Variants in RBPMS2 observed in about 807,000 individuals in gnomAD.
The protein encoded by RBPMS2 is RNA-binding protein with multiple splicing 2.
In RBPMS2, 14 loss-of-function variants were observed where a neutral mutation model predicts 25.7. That is an observed-to-expected ratio of 0.55 (90% CI 0.36 to 0.85). The LOEUF (loss-of-function observed/expected upper bound fraction) is 0.85. Among genes scored for constraint, RBPMS2 ranks in the 40% least tolerant of loss-of-function variants. The probability of loss-of-function intolerance (pLI) is 0.01; values close to 1 mark genes in which losing one functional copy is unlikely to be tolerated. For missense variants in RBPMS2, 252 were observed against 283.4 expected (o/e 0.89, Z 0.80); for synonymous variants, 127 against 115.6 (o/e 1.10, Z -0.63).
intron 1 of RBPMS2, 24 bp from the exon 2 acceptor site, chr15:64,751,662 G>T: frequency 6.2e-7 from 1 of 1,605,008 alleles, no homozygotes; most frequent in Non-Finnish European, 8.5e-7. Context: ...CCAGTGATCA[G>T]GGCCAGGCTG....
intron 1 of RBPMS2, among the ~76,000 whole-genome samples, chr15:64,769,908 C>T (rs56341309): frequency 0.048 from 7,353 of 152,008 alleles, 230 homozygotes; most frequent in South Asian, 0.088. Context: ...CGGCTGGGCG[C>T]GGTGGCTCAC....
At chr15:64,749,341 C>A (rs966193081) in intron 4 of RBPMS2, 90 bp downstream of exon 4, 70 of 1,381,684 alleles carry the variant, frequency 5.1e-5, no homozygotes, top group Non-Finnish European at 7.0e-5. Context: ...AAGGACTCTG[C>A]CCAGGGATGG....
chr15:64,761,730 TCTCA>T (rs1468516102), intron 1 of RBPMS2, among the ~76,000 whole-genome samples: 69 of 113,202 alleles, frequency 6.1e-4, no homozygotes, highest in African/African-American at 2.2e-3. Context: ...TGAGACGGAG[TCTCA>T]CTCTGTCGCC....
At chr15:64,762,649 GC>G in intron 1 of RBPMS2, 1 of 417,934 alleles carries the variant, frequency 2.4e-6, no homozygotes, top group Non-Finnish European at 4.7e-6. Flanking sequence ...CCAGGGTGAA[GC>G]CCCAGCCCTG....
chr15:64,763,107 G>A (rs896972369), intron 1 of RBPMS2, among the ~76,000 whole-genome samples: 3 of 152,116 alleles, frequency 2.0e-5, no homozygotes, highest in East Asian at 1.9e-4. Flanking sequence ...CCTGGGCCCC[G>A]CGCTTAGGCT....
rs1301169851 is a variant in RBPMS2, at chr15:64,756,465, C to T, written c.88-4827G>A. The stretch of plus-strand genomic sequence containing the variant: ...TGGAGAGATGGAGGTTGCAGTGAGC[C>T]GAGATCATACCATTGCACTCCATCC... On this transcript the variant is annotated intron_variant, in intron 1 of 7. Coordinates refer to ENST00000300069, the MANE Select transcript of RBPMS2 (RefSeq NM_194272.3). Among the ~76,000 whole-genome samples, 5 of 150,178 alleles carry T rather than the reference C, an allele frequency of 3.3e-5. No homozygotes were observed. The East Asian group carries it at 9.8e-4, about 30-fold the overall frequency.
At chr15:64,741,272 C>G (rs2083560060) in intron 6 of RBPMS2, 30 bp from the exon 7 acceptor site, 1 of 1,544,716 alleles carries the variant, frequency 6.5e-7, no homozygotes. Context: ...CAGGAGCCAG[C>G]TGTGCATCCC....
chr15:64,744,348 C>T (rs1043183507), intron 6 of RBPMS2, among the ~76,000 whole-genome samples: 2 of 151,736 alleles, frequency 1.3e-5, no homozygotes, highest in East Asian at 1.9e-4. Context: ...CACCTGAGGT[C>T]GAGAGTTCGA....
At chr15:64,741,545 G>A (rs1378113392) in intron 6 of RBPMS2, among the ~76,000 whole-genome samples, 1 of 152,194 alleles carries the variant, frequency 6.6e-6, no homozygotes, top group Non-Finnish European at 1.5e-5. Context: ...TGGCAGCTGG[G>A]GGCAGTGGTG....
At chr15:64,768,380 C>G (rs1453226868) in intron 1 of RBPMS2, among the ~76,000 whole-genome samples, 2 of 151,940 alleles carry the variant, frequency 1.3e-5, no homozygotes, top group Non-Finnish European at 2.9e-5. Context: ...TGACTCAAAC[C>G]TATAACCCAG....
intron 3 of RBPMS2, 68 bp downstream of exon 3, chr15:64,750,275 C>T (rs1245585901): frequency 1.0e-5 from 14 of 1,363,518 alleles, no homozygotes; most frequent in East Asian, 9.1e-5. Flanking sequence ...GAAGGGTTAA[C>T]GGGCCCTTGT....
chr15:64,766,734 T>C (rs904511461), intron 1 of RBPMS2, among the ~76,000 whole-genome samples: 2 of 152,090 alleles, frequency 1.3e-5, no homozygotes, highest in African/African-American at 2.4e-5. Flanking sequence ...TTTCACCGTG[T>C]TAGCCAGGAT....
At chr15:64,773,709 C>G (rs1240203920) in intron 1 of RBPMS2, among the ~76,000 whole-genome samples, 1 of 152,084 alleles carries the variant, frequency 6.6e-6, no homozygotes, top group African/African-American at 2.4e-5. Context: ...AAGTGGGGTT[C>G]TGGGTCCCCA....
chr15:64,754,588 G>A (rs2083714441), intron 1 of RBPMS2, among the ~76,000 whole-genome samples: 1 of 150,612 alleles, frequency 6.6e-6, no homozygotes, highest in South Asian at 2.1e-4. Context: ...TCCAGCCTGG[G>A]CAACAAGAGC....
intron 1 of RBPMS2, among the ~76,000 whole-genome samples, chr15:64,765,727 C>T (rs1595794735): frequency 6.6e-6 from 1 of 152,140 alleles, no homozygotes; most frequent in Non-Finnish European, 1.5e-5. Flanking sequence ...GGGCGGATTA[C>T]GAGGTCAGGA....
chr15:64,747,250 G>A (rs558686643), intron 6 of RBPMS2, among the ~76,000 whole-genome samples: 4 of 152,226 alleles, frequency 2.6e-5, no homozygotes, highest in South Asian at 2.1e-4. Flanking sequence ...TGAACTTTCC[G>A]CTTTGGAACT....
chr15:64,749,100 G>A lies in RBPMS2; in HGVS notation c.318C>T (p.Ala106=). The part of the protein sequence containing the change: ...ENPQTLRLEF[A]KANTKMAKSK... ...TCTTGGCCATCTTGGTGTTGGCTTT[G>A]GCAAACTCTAGCCTCAGAGTCTGTG... The change falls in exon 5 of 8, where the codon GCC becomes GCT. Residue 106 remains alanine (A), a synonymous_variant. Transcript: ENST00000300069. 2.5e-6 allele frequency: 4 copies of A among 1,614,176 alleles called. No individual in the cohort carries two copies. The highest frequency in any genetic ancestry group is 1.1e-5 in the South Asian group (1 of 91,082).
intron 1 of RBPMS2, among the ~76,000 whole-genome samples, chr15:64,754,146 A>G (rs778764447): frequency 2.6e-5 from 4 of 151,882 alleles, no homozygotes; most frequent in Non-Finnish European, 5.9e-5. Context: ...CCCCATCTCT[A>G]CTAAAAATAC....
chr15:64,746,239 A>G (rs993686570), intron 6 of RBPMS2, among the ~76,000 whole-genome samples: 9 of 152,150 alleles, frequency 5.9e-5, no homozygotes, highest in South Asian at 2.1e-4. Context: ...TGCCTCCCCA[A>G]AAACGCCACT....
Sources: gnomAD v4.1 joint callset for allele counts (sites outside exome capture counted in the v4.1 genomes callset) on GRCh38, gnomAD v4.1.1 for gene constraint, MANE v1.5 for transcripts, NCBI Gene and HGNC (gene_info 2026-07-23, HGNC 2026-07-21) for gene names.